The following ADGRD1 variants were observed in gnomAD, a reference collection of about 807,000 sequenced individuals.
ADGRD1 encodes adhesion G protein-coupled receptor D1.
Under a neutral mutation model 113.4 loss-of-function variants are expected in ADGRD1, and 77 were observed. The ratio of observed to expected loss-of-function variants is 0.68; its 90% CI spans 0.57 to 0.82. The LOEUF (loss-of-function observed/expected upper bound fraction) is 0.82. Ranked by LOEUF, ADGRD1 falls within the 40% of genes least tolerant of loss-of-function variation. The pLI is 0.00. For synonymous variants in ADGRD1, 474 were observed against 475.0 expected (o/e 1.00, Z 0.03); for missense variants, 1,036 against 1,139.1 (o/e 0.91, Z 1.30).
chr12:130,961,701 C>T (rs1041339678), intron 2 of ADGRD1, among the ~76,000 whole-genome samples: 1 of 152,106 alleles, frequency 6.6e-6, no homozygotes, highest in African/African-American at 2.4e-5. Context: ...ACTTGTAGGA[C>T]TATGAGTTAT....
In ADGRD1 at chr12:131,003,941, C is replaced by A. The variant is rs1876734454; in HGVS notation, c.1145-245C>A. On this transcript the variant is annotated intron_variant, in intron 10 of 24. Coordinates refer to ENST00000261654, the MANE Select transcript of ADGRD1 (RefSeq NM_198827.5). This position sits in a 1 kb window ranked among gnomAD's most constrained non-coding sequence, Gnocchi z 4.8. ...GGCTGTGCTGGGGCGGAGGGCGCCCCAGGTGAGGAGCCGCGCGCCCGTGGG... is the reference window on the plus strand; with the variant it reads ...GGCTGTGCTGGGGCGGAGGGCGCCCAAGGTGAGGAGCCGCGCGCCCGTGGG... 6.6e-6 allele frequency among the ~76,000 whole-genome samples: 1 copy of A among 151,772 alleles called. No homozygotes were observed. Among genetic ancestry groups the A allele is most frequent in the African/African-American group, 2.4e-5 (1 of 41,316 alleles).
rs375920408 is a variant in ADGRD1, at chr12:131,084,686, C to T, written c.1671+23C>T. 98 of 1,612,718 alleles carry T rather than the reference C, an allele frequency of 6.1e-5. No homozygotes were observed. The highest frequency in any genetic ancestry group is 8.3e-5 in the Admixed American group (5 of 59,920). On this transcript the variant is annotated intron_variant, in intron 15 of 24. Coordinates refer to ENST00000261654, the MANE Select transcript of ADGRD1 (RefSeq NM_198827.5). This position sits in a 1 kb window ranked among gnomAD's most constrained non-coding sequence, Gnocchi z 4.5. ...GAGGTAAGAGCCAGGCCTCAGGGGT[C>T]GCGGGACCTGGGGGACGTACCATGA...
At chr12:130,957,069 A>G (rs1298171267) in intron 2 of ADGRD1, 10 of 149,644 alleles carry the variant, frequency 6.7e-5, no homozygotes, top group Non-Finnish European at 6.0e-5. Flanking sequence ...ATGCATCCAC[A>G]CATGTGTCCA....
Position 131,029,284 on chromosome 12 carries a change from T to G in ADGRD1, c.1473+14944T>G, listed in dbSNP as rs182749069. On this transcript the variant is annotated intron_variant, in intron 13 of 24. Coordinates refer to ENST00000261654, the MANE Select transcript of ADGRD1 (RefSeq NM_198827.5). ...TGCGGATGAACACTTGAACCTGCAG[T>G]GCGAATCCGTTCCCCTGACCCCAGC... Among the ~76,000 whole-genome samples the G allele has an allele frequency of 4.2e-4, 64 of 152,374 alleles. 1 individual carries two copies. The highest frequency in any genetic ancestry group is 1.6e-3 in the Admixed American group (25 of 15,304).
chr12:131,119,355 A>G lies in ADGRD1; in HGVS notation c.2108+904A>G, dbSNP rs147694795. On this transcript the variant is annotated intron_variant, in intron 19 of 24. Coordinates refer to ENST00000261654, the MANE Select transcript of ADGRD1 (RefSeq NM_198827.5). ...TGTCTGAGCGCACAGTGAAACAAGCATGGTTACGCAGACCACTGTTCTGGC... is the reference window on the plus strand; with the variant it reads ...TGTCTGAGCGCACAGTGAAACAAGCGTGGTTACGCAGACCACTGTTCTGGC... Among the ~76,000 whole-genome samples, 535 of 152,360 alleles carry G rather than the reference A, an allele frequency of 3.5e-3. 2 individuals are homozygous for G. The highest frequency in any genetic ancestry group is 9.2e-3 in the African/African-American group (384 of 41,584).
At chr12:130,980,127 C>T (rs555550956) in intron 4 of ADGRD1, among the ~76,000 whole-genome samples, 164 of 151,110 alleles carry the variant, frequency 1.1e-3, no homozygotes, top group Non-Finnish European at 2.0e-3. Flanking sequence ...TTTTTTGAGA[C>T]GGAGTCTCGC....
intron 13 of ADGRD1, among the ~76,000 whole-genome samples, chr12:131,045,533 G>A (rs1310435250): frequency 7.5e-6 from 1 of 133,696 alleles, no homozygotes; most frequent in Non-Finnish European, 1.6e-5. Flanking sequence ...CTCCCTGCCC[G>A]GGCACATCCG....
chr12:130,993,169 A>G (rs920778257), intron 8 of ADGRD1, among the ~76,000 whole-genome samples: 16 of 152,138 alleles, frequency 1.1e-4, no homozygotes, highest in African/African-American at 3.1e-4. Context: ...ATCGGGGATA[A>G]GTGGGTTCCT....
chr12:131,005,313 A>G (rs1468019104), intron 11 of ADGRD1, among the ~76,000 whole-genome samples: 1 of 152,190 alleles, frequency 6.6e-6, no homozygotes. Context: ...TGGTGCCGAC[A>G]TCTACCAGCA....
intron 20 of ADGRD1, among the ~76,000 whole-genome samples, chr12:131,125,395 G>GC (rs1950716701): frequency 6.6e-6 from 1 of 152,168 alleles, no homozygotes; most frequent in Non-Finnish European, 1.5e-5. Context: ...GAAGGAGAGT[G>GC]CCTCCAGGTC....
chr12:131,099,059 A>G (rs12818313), intron 15 of ADGRD1, among the ~76,000 whole-genome samples: 12,766 of 151,030 alleles, frequency 0.085, 713 homozygotes, highest in Non-Finnish European at 0.13. Flanking sequence ...ATTTCCAACC[A>G]CTCTTCTGTG....
intron 12 of ADGRD1, among the ~76,000 whole-genome samples, chr12:131,012,801 C>T (rs529096355): frequency 9.8e-5 from 15 of 152,332 alleles, no homozygotes; most frequent in African/African-American, 3.4e-4. Context: ...AAACAGGGAC[C>T]TGCAGGTTCC....
chr12:131,090,755 C>T (rs1886854221), intron 15 of ADGRD1, among the ~76,000 whole-genome samples: 1 of 152,248 alleles, frequency 6.6e-6, no homozygotes, highest in Non-Finnish European at 1.5e-5. Flanking sequence ...CATCTGGCGA[C>T]TTCCAGTGGT....
intron 4 of ADGRD1, among the ~76,000 whole-genome samples, chr12:130,972,048 G>T (rs1871726336): frequency 6.6e-6 from 1 of 152,226 alleles, no homozygotes; most frequent in African/African-American, 2.4e-5. Context: ...CTGGGCAGTG[G>T]CTCGAACTGT....
intron 2 of ADGRD1, among the ~76,000 whole-genome samples, chr12:130,959,643 C>T (rs1050492867): frequency 1.3e-5 from 2 of 152,110 alleles, no homozygotes; most frequent in Non-Finnish European, 1.5e-5. Flanking sequence ...TGGTAAACCG[C>T]GTCAATAAAG....
intron 13 of ADGRD1, among the ~76,000 whole-genome samples, chr12:131,045,921 TC>T (rs1882656396): frequency 6.7e-6 from 1 of 149,948 alleles, no homozygotes; most frequent in Non-Finnish European, 1.5e-5. Flanking sequence ...TCCATATCCT[TC>T]CTGGTGGTGC....
At chr12:131,043,517 C>T (rs906517834) in intron 13 of ADGRD1, among the ~76,000 whole-genome samples, 2 of 152,226 alleles carry the variant, frequency 1.3e-5, no homozygotes, top group Non-Finnish European at 2.9e-5. Context: ...TTGCAGACAC[C>T]ATGCAGGCCT....
At position 131,108,379 on chromosome 12, in the gene ADGRD1, C is replaced by T. The variant is rs539541277; in HGVS notation, c.1888-345C>T. Among the ~76,000 whole-genome samples the T allele has an allele frequency of 2.0e-5, 3 of 152,270 alleles. No individual in the cohort carries two copies. In the East Asian group the frequency reaches 5.8e-4, roughly 29 times the overall value. ...AACTCTTCCATAGTCCCTGCCTTAG[C>T]CCCAGAATCCACCCTGATTGGACCA... On this transcript the variant is annotated intron_variant, in intron 17 of 24. Transcript: ENST00000261654.
chr12:130,967,069 G>A (rs151098725), intron 3 of ADGRD1: 22 of 454,924 alleles, frequency 4.8e-5, no homozygotes, highest in Admixed American at 7.1e-5. Flanking sequence ...CAAGTCAGGC[G>A]TCTGTTTTCT....
Sources: gnomAD v4.1 joint callset for allele counts (sites outside exome capture counted in the v4.1 genomes callset) on GRCh38, gnomAD v4.1.1 for gene constraint, Gnocchi (gnomAD v3.1) non-coding constraint, MANE v1.5 for transcripts, NCBI Gene and HGNC (gene_info 2026-07-23, HGNC 2026-07-21) for gene names.